CEP55: variants seen among roughly 807,000 people sequenced by gnomAD.
CEP55 encodes centrosomal protein 55.
CEP55 carries 57 observed loss-of-function variants against 63.2 expected under a neutral mutation model. The ratio of observed to expected loss-of-function variants is 0.90; its 90% confidence interval spans 0.73 to 1.13. The LOEUF (loss-of-function observed/expected upper bound fraction) is 1.13, where lower values mean the gene tolerates loss of function less well. CEP55 is among the 50% of genes most tolerant of loss of function. The pLI is 0.00. For synonymous variants in CEP55, 178 were observed against 191.6 expected (o/e 0.93, Z 0.59); for missense variants, 456 against 518.9 (o/e 0.88, Z 1.18).
rs2057793717 is a variant in CEP55 at position 93,515,446 on chromosome 10, G to A, written c.570G>A (p.Gln190=). 1.2e-6 allele frequency: 2 copies of A among 1,613,410 alleles called. No individual in the cohort carries two copies. Among genetic ancestry groups the A allele is most frequent in the Non-Finnish European group, 1.7e-6 (2 of 1,179,384 alleles). Residue 190 remains glutamine, a synonymous_variant, in exon 5 of 9, where the codon CAG becomes CAA. Transcript: ENST00000371485. ...KNQQWLVYDQ[Q]REVYVKGLLA... ...AGCAGTGGCTCGTGTATGATCAGCA[G>A]CGGGAAGTCTATGTAAAAGGACTTT...
At chr10:93,524,265 C>A (rs1218255122) in intron 8 of CEP55, among the ~76,000 whole-genome samples, 1 of 152,030 alleles carries the variant, frequency 6.6e-6, no homozygotes, top group East Asian at 1.9e-4. Context: ...GATATCACAC[C>A]GATCCCACAG....
Position 93,500,195 on chromosome 10 carries a change from A to G in CEP55, c.144A>G (p.Lys48=), listed in dbSNP as rs746446429. 2 of 1,613,342 alleles carry G rather than the reference A, an allele frequency of 1.2e-6. No individual in the cohort carries two copies. The highest frequency in any genetic ancestry group is 2.7e-5 in the African/African-American group (2 of 74,980). The change falls in exon 2 of 9, where the codon AAA becomes AAG. Residue 48 remains lysine, a synonymous_variant. Transcript: ENST00000371485. The stretch of plus-strand genomic sequence containing the variant: ...CAGTGGATGAAATCACAAGTGGGAA[A>G]GGAAAGCTGACTGATAAAGAGAGAC... ...KTSVDEITSG[K]GKLTDKERHR... is the part of the protein sequence containing the mutation.
At chr10:93,497,019 C>G (rs1392964208) in intron 1 of CEP55, 96 bp downstream of exon 1, 1 of 152,246 alleles carries the variant, frequency 6.6e-6, no homozygotes, top group African/African-American at 2.4e-5. Context: ...CAGGCACTTT[C>G]GTTGTGTGTT....
chr10:93,524,411 G>C (rs1050587386), intron 8 of CEP55, among the ~76,000 whole-genome samples: 5 of 152,058 alleles, frequency 3.3e-5, no homozygotes, highest in African/African-American at 1.2e-4. Flanking sequence ...TCTCTGAATA[G>C]ATCAATAACA....
In CEP55 at chr10:93,496,916, A is replaced by T. The variant is rs1158195051; in HGVS notation, c.-20A>T. 1.3e-5 allele frequency: 2 copies of T among 152,232 alleles called. No individual in the cohort carries two copies. Among genetic ancestry groups the T allele is most frequent in the African/African-American group, 4.8e-5 (2 of 41,442 alleles). 9.4% of individuals were successfully genotyped at this position (152,232 alleles called of 1,614,324 possible). ...GTTGTCTCTTCGATCGCTTCTTTGG[A>T]CTTGGCGGTGGGTATCATCTCCTTA... On this transcript the variant is annotated 5_prime_UTR_variant, in exon 1 of 9. Transcript: ENST00000371485.
intron 8 of CEP55, 82 bp downstream of exon 8, chr10:93,519,889 G>T (rs1231798177): frequency 6.7e-7 from 1 of 1,491,310 alleles, no homozygotes; most frequent in South Asian, 1.1e-5. Context: ...GGAGGATACA[G>T]CTTAACACAC....
At chr10:93,498,222 A>T (rs1355624133) in intron 1 of CEP55, among the ~76,000 whole-genome samples, 1 of 151,936 alleles carries the variant, frequency 6.6e-6, no homozygotes, top group African/African-American at 2.4e-5. Context: ...GGTGGGGGAG[A>T]TCCAAACCGT....
At chr10:93,500,684 A>G (rs1482396029) in intron 2 of CEP55, among the ~76,000 whole-genome samples, 1 of 152,028 alleles carries the variant, frequency 6.6e-6, no homozygotes, top group African/African-American at 2.4e-5. Flanking sequence ...TGTATTTAAG[A>G]TTGTGAAACA....
At chr10:93,521,362 T>C (rs1719499566) in intron 8 of CEP55, among the ~76,000 whole-genome samples, 1 of 152,164 alleles carries the variant, frequency 6.6e-6, no homozygotes, top group Non-Finnish European at 1.5e-5. Context: ...CACAGCAGTC[T>C]GAGATCAAAC....
rs761464149 is a variant in CEP55, at chr10:93,517,157, C to T, written c.902C>T (p.Thr301Ile). ...VQHLEDDRHK[T>I]EKIQKLREEN... ...CATCTGGAAGATGATAGGCATAAAA[C>T]AGAGAAGATACAAAAACTCAGGGAA... is the stretch of plus-strand genomic sequence containing the variant. The change falls in exon 6 of 9, where the codon ACA becomes ATA. Residue 301 changes from threonine to isoleucine, a missense_variant. Physicochemically the swap from Thr to Ile is moderately conservative, Grantham distance 89 (BLOSUM62 -1). Coordinates refer to ENST00000371485, the MANE Select transcript of CEP55 (RefSeq NM_018131.5). 4 of 1,613,650 alleles carry T rather than the reference C, an allele frequency of 2.5e-6. No individual in the cohort carries two copies. The South Asian group carries it at 3.3e-5, about 13-fold the overall frequency.
chr10:93,498,622 G>A (rs2057599610), intron 1 of CEP55, among the ~76,000 whole-genome samples: 1 of 152,130 alleles, frequency 6.6e-6, no homozygotes, highest in Admixed American at 6.5e-5. Flanking sequence ...ATTTCACACA[G>A]GACAATCTTA....
intron 4 of CEP55, among the ~76,000 whole-genome samples, chr10:93,508,101 T>C (rs2057707128): frequency 6.6e-6 from 1 of 152,248 alleles, no homozygotes; most frequent in African/African-American, 2.4e-5. Context: ...CAGTACTTCC[T>C]TTCTCTAGAA....
chr10:93,509,520 CTG>C (rs1823936156), intron 4 of CEP55, among the ~76,000 whole-genome samples: 1 of 149,198 alleles, frequency 6.7e-6, no homozygotes, highest in Admixed American at 6.7e-5. Context: ...GAGTCTCACT[CTG>C]TCACTCAGGT....
At chr10:93,507,173 C>A in intron 4 of CEP55, 117 bp downstream of exon 4, 9 of 567,426 alleles carry the variant, frequency 1.6e-5, no homozygotes, top group Non-Finnish European at 2.5e-5. Flanking sequence ...TTGAGAGCTT[C>A]ATTTAAGTCT....
At chr10:93,524,365 T>G (rs934397989) in intron 8 of CEP55, among the ~76,000 whole-genome samples, 4 of 151,972 alleles carry the variant, frequency 2.6e-5, no homozygotes, top group Non-Finnish European at 5.9e-5. Flanking sequence ...CCTCGACACA[T>G]ACACCCTCCC....
intron 8 of CEP55, 95 bp downstream of exon 8, chr10:93,519,902 C>T (rs1192627009): frequency 7.7e-7 from 1 of 1,297,144 alleles, no homozygotes; most frequent in African/African-American, 1.5e-5. Flanking sequence ...TAACACACAG[C>T]TAGCTGTATC....
chr10:93,515,317 A>G, intron 4 of CEP55, 88 bp from the exon 5 acceptor site: 1 of 1,257,752 alleles, frequency 8.0e-7, no homozygotes, highest in Non-Finnish European at 1.1e-6. Flanking sequence ...TTTTTGTTGG[A>G]AAAGACTACA....
Position 93,502,252 on chromosome 10 carries a change from G to A in CEP55, c.184-861G>A, listed in dbSNP as rs149282004. 5.3e-5 allele frequency among the ~76,000 whole-genome samples: 8 copies of A among 152,194 alleles called. No individual in the cohort carries two copies. In the East Asian group the frequency reaches 1.5e-3, roughly 29 times the overall value. On this transcript the variant is annotated intron_variant, in intron 2 of 8. Coordinates refer to ENST00000371485, the MANE Select transcript of CEP55 (RefSeq NM_018131.5). ...ATAGTAGTGTTACATCTACTTAGCT[G>A]GATACTGTACTCCATTAAAGCCTAA...
chr10:93,513,598 A>G (rs1354174565), intron 4 of CEP55, among the ~76,000 whole-genome samples: 1 of 152,222 alleles, frequency 6.6e-6, no homozygotes, highest in Non-Finnish European at 1.5e-5. Flanking sequence ...AATTAAATAG[A>G]AGAATTTTAT....
Sources: gnomAD v4.1 joint callset for allele counts (sites outside exome capture counted in the v4.1 genomes callset) on GRCh38, gnomAD v4.1.1 for gene constraint, MANE v1.5 for transcripts, NCBI Gene and HGNC (gene_info 2026-07-23, HGNC 2026-07-21) for gene names.